The following GRAMD1C variants were observed in gnomAD, a reference collection of about 807,000 sequenced individuals.
The protein encoded by GRAMD1C is GRAM domain containing 1C, also known as protein Aster-C.
In GRAMD1C, 89 loss-of-function variants were observed where a neutral mutation model predicts 97.8. The ratio of observed to expected loss-of-function variants is 0.91; its 90% CI spans 0.77 to 1.09. GRAMD1C has a LOEUF of 1.09. GRAMD1C is among the 50% of genes least tolerant of loss of function. GRAMD1C has a pLI of 0.00. For synonymous variants in GRAMD1C, 256 were observed against 267.0 expected (o/e 0.96, Z 0.40); for missense variants, 740 against 766.4 (o/e 0.97, Z 0.41).
chr3:113,887,347 C>A (rs1207442367), intron 6 of GRAMD1C, among the ~76,000 whole-genome samples: 1 of 151,856 alleles, frequency 6.6e-6, no homozygotes, highest in Non-Finnish European at 1.5e-5. Flanking sequence ...CCACCTTGGC[C>A]TCCCAAAGTG....
intron 2 of GRAMD1C, among the ~76,000 whole-genome samples, chr3:113,849,527 T>C (rs1309053201): frequency 2.0e-5 from 3 of 151,646 alleles, no homozygotes; most frequent in Non-Finnish European, 4.4e-5. Flanking sequence ...AAGCATCTGT[T>C]TAACAAAGCA....
intron 2 of GRAMD1C, among the ~76,000 whole-genome samples, chr3:113,851,850 C>G (rs1350757448): frequency 6.6e-6 from 1 of 151,432 alleles, no homozygotes; most frequent in Non-Finnish European, 1.5e-5. Flanking sequence ...AAATCAGAAG[C>G]CTTTATTCTG....
chr3:113,928,515 G>A (rs6810320), intron 10 of GRAMD1C, among the ~76,000 whole-genome samples: 4,335 of 152,214 alleles, frequency 0.028, 207 homozygotes, highest in African/African-American at 0.099. Flanking sequence ...TTTTTAAGTG[G>A]ACAGTTCAGT....
chr3:113,922,688 A>G (rs8179896), intron 10 of GRAMD1C, among the ~76,000 whole-genome samples: 19,398 of 152,182 alleles, frequency 0.13, 1,550 homozygotes, highest in South Asian at 0.21. Flanking sequence ...GTCTTATAGT[A>G]TAGCTTGAAA....
At chr3:113,911,216 A>C (rs568520600) in intron 9 of GRAMD1C, among the ~76,000 whole-genome samples, 2 of 123,414 alleles carry the variant, frequency 1.6e-5, no homozygotes, top group African/African-American at 6.3e-5. Context: ...GAGAGCATAC[A>C]TGAGCAAACT....
intron 5 of GRAMD1C, among the ~76,000 whole-genome samples, chr3:113,876,863 AAG>A (rs1342170003): frequency 1.3e-5 from 2 of 151,792 alleles, no homozygotes; most frequent in African/African-American, 4.8e-5. Context: ...AAAAAAAGGA[AAG>A]AGAAAAAAAG....
intron 6 of GRAMD1C, among the ~76,000 whole-genome samples, chr3:113,887,908 C>T (rs1044014931): frequency 6.6e-6 from 1 of 151,894 alleles, no homozygotes; most frequent in African/African-American, 2.4e-5. Context: ...TGGATAAGTA[C>T]TTAGAAAGTC....
chr3:113,833,573 C>G (rs569547465), intron 1 of GRAMD1C, among the ~76,000 whole-genome samples: 4 of 152,226 alleles, frequency 2.6e-5, no homozygotes, highest in Admixed American at 2.6e-4. Context: ...CTTCAGGGAG[C>G]CACCAAACAG....
chr3:113,936,260 TC>T lies in GRAMD1C; in HGVS notation c.1457-5del. On this transcript the variant is annotated splice_polypyrimidine_tract_variant and splice_region_variant and intron_variant, in intron 13 of 17. Coordinates refer to ENST00000358160, the MANE Select transcript of GRAMD1C (RefSeq NM_017577.5). The stretch of plus-strand genomic sequence containing the variant: ...ACTATATAAAGATTGTTTTTTTTTT[TC>T]TTAGAATCAGATTTGTTAATTGAAG... 2 of 1,518,970 alleles carry T rather than the reference TC, an allele frequency of 1.3e-6. No homozygotes were observed. Among genetic ancestry groups the T allele is most frequent in the Non-Finnish European group, 1.8e-6 (2 of 1,109,566 alleles). The allele number at this position is 1,518,970 out of a possible 1,614,324, so 94.1% of individuals were successfully genotyped here.
At chr3:113,910,275 C>T (rs538616846) in intron 9 of GRAMD1C, among the ~76,000 whole-genome samples, 5 of 152,120 alleles carry the variant, frequency 3.3e-5, no homozygotes, top group Admixed American at 2.6e-4. Flanking sequence ...CCCAGCTACT[C>T]GGGAGGCTGA....
chr3:113,902,183 C>T (rs527885735), intron 7 of GRAMD1C, among the ~76,000 whole-genome samples: 1 of 152,312 alleles, frequency 6.6e-6, no homozygotes, highest in South Asian at 2.1e-4. Context: ...TTTTGAAAGT[C>T]TCAAAGTATG....
intron 11 of GRAMD1C, among the ~76,000 whole-genome samples, chr3:113,932,813 T>C (rs1189011010): frequency 6.6e-6 from 1 of 152,056 alleles, no homozygotes; most frequent in African/African-American, 2.4e-5. Context: ...TCAAATGATC[T>C]TCCCACCTCA....
In GRAMD1C at chr3:113,876,156, T is replaced by G; in HGVS notation, c.364-9T>G. 7.1e-7 allele frequency: 1 copy of G among 1,408,760 alleles called. No individual in the cohort carries two copies. The highest frequency in any genetic ancestry group is 1.0e-6 in the Non-Finnish European group (1 of 1,004,670). 87.3% of individuals were successfully genotyped at this position (1,408,760 alleles called of 1,614,324 possible). ...AAAAATACATTAAAAAAATTTTTTG[T>G]GTGTTTAGATTTCTATTGCTTTAAA... is the stretch of plus-strand genomic sequence containing the variant. On this transcript the variant is annotated splice_polypyrimidine_tract_variant and intron_variant, in intron 4 of 17. Transcript: ENST00000358160.
intron 1 of GRAMD1C, among the ~76,000 whole-genome samples, chr3:113,828,849 T>G (rs932875586): frequency 1.3e-5 from 2 of 152,194 alleles, no homozygotes; most frequent in Non-Finnish European, 2.9e-5. Flanking sequence ...CTCATGCTCA[T>G]ATCATAGAAC....
intron 6 of GRAMD1C, among the ~76,000 whole-genome samples, chr3:113,886,684 AAAT>A (rs1318994340): frequency 2.0e-5 from 3 of 152,188 alleles, no homozygotes; most frequent in Non-Finnish European, 4.4e-5. Context: ...AGAAGCAAGG[AAAT>A]AATAAAGATT....
intron 1 of GRAMD1C, among the ~76,000 whole-genome samples, chr3:113,831,218 A>T (rs1033412505): frequency 4.6e-5 from 7 of 152,222 alleles, no homozygotes; most frequent in Admixed American, 4.6e-4. Context: ...CTGGTTCAGG[A>T]TCCAAGACAA....
At chr3:113,938,065 C>G (rs1384661252) in intron 14 of GRAMD1C, 21 bp from the exon 15 acceptor site, 1 of 1,359,950 alleles carries the variant, frequency 7.4e-7, no homozygotes, top group East Asian at 2.4e-5. Flanking sequence ...TCTAATGCAG[C>G]CTTTTTCTTG....
chr3:113,892,337 T>C (rs557234089), intron 6 of GRAMD1C, among the ~76,000 whole-genome samples: 142 of 152,120 alleles, frequency 9.3e-4, no homozygotes, highest in African/African-American at 3.2e-3. Context: ...CTGCGCGTGG[T>C]GGCAGGCACT....
intron 2 of GRAMD1C, among the ~76,000 whole-genome samples, chr3:113,865,142 T>C (rs1934537220): frequency 6.6e-6 from 1 of 152,152 alleles, no homozygotes; most frequent in African/African-American, 2.4e-5. Flanking sequence ...AGACAAAGCA[T>C]GAGAGGCAAC....
Sources: gnomAD v4.1 joint callset for allele counts (sites outside exome capture counted in the v4.1 genomes callset) on GRCh38, gnomAD v4.1.1 for gene constraint, MANE v1.5 for transcripts, NCBI Gene and HGNC (gene_info 2026-07-23, HGNC 2026-07-21) for gene names.